The following AP1G1 variants were observed in gnomAD, a reference collection of about 807,000 sequenced individuals.
AP1G1 encodes AP-1 complex subunit gamma-1.
Under a neutral mutation model 108.3 loss-of-function variants are expected in AP1G1, and 7 were observed. The observed-to-expected ratio is 0.06, with a 90% CI of 0.04 to 0.12. The LOEUF is 0.12. AP1G1 is among the 10% of genes least tolerant of loss of function. The pLI is 1.00. For synonymous variants in AP1G1, 379 were observed against 353.5 expected (o/e 1.07, Z -0.81); for missense variants, 756 against 1,010.7 (o/e 0.75, Z 3.42).
intron 21 of AP1G1, among the ~76,000 whole-genome samples, chr16:71,736,118 AT>A (rs1174180710): frequency 0.14 from 7,934 of 55,836 alleles, 1,074 homozygotes; most frequent in African/African-American, 0.22. Context: ...AAAAAAAAAA[AT>A]ATATATATAT....
In AP1G1 at chr16:71,745,250, C is replaced by T. The variant is rs768361255; in HGVS notation, c.1893G>A (p.Leu631=). The change falls in exon 19 of 23, where the codon TTG becomes TTA. Residue 631 remains leucine (L), a synonymous_variant. Coordinates refer to ENST00000299980, the MANE Select transcript of AP1G1 (RefSeq NM_001128.6). The part of the protein sequence containing the change: ...PTSQANDLLD[L]LGGNDITPVI... ...CAGGTGTTATGTCATTTCCTCCCAA[C>T]AAATCCAATAAATCATTGGCCTAAA... 6 of 1,614,098 alleles carry T rather than the reference C, an allele frequency of 3.7e-6. No individual in the cohort carries two copies. Among genetic ancestry groups the T allele is most frequent in the East Asian group, 4.5e-5 (2 of 44,904 alleles).
chr16:71,736,586 A>AT (rs1219695923), intron 21 of AP1G1, among the ~76,000 whole-genome samples: 1 of 126,198 alleles, frequency 7.9e-6, no homozygotes, highest in African/African-American at 3.1e-5. Context: ...TTATTTATTT[A>AT]TTTATTTATT....
chr16:71,759,337 T>C (rs1276728810), intron 10 of AP1G1, among the ~76,000 whole-genome samples: 2 of 152,130 alleles, frequency 1.3e-5, no homozygotes, highest in Non-Finnish European at 2.9e-5. Flanking sequence ...GTTAGGTGCC[T>C]GTAGTCCCAG....
At chr16:71,800,625 C>T (rs1390154030) in intron 1 of AP1G1, among the ~76,000 whole-genome samples, 1 of 151,022 alleles carries the variant, frequency 6.6e-6, no homozygotes, top group African/African-American at 2.5e-5. Flanking sequence ...CATGGTGAAA[C>T]CCCATCTCTA....
chr16:71,759,766 A>T (rs1482704691), intron 10 of AP1G1, among the ~76,000 whole-genome samples: 4 of 151,596 alleles, frequency 2.6e-5, no homozygotes, highest in East Asian at 1.9e-4. Context: ...TCTCAAAAAA[A>T]AAAAAAATTA....
intron 1 of AP1G1, chr16:71,807,906 G>A (rs1429635873): frequency 1.6e-6 from 2 of 1,283,710 alleles, no homozygotes; most frequent in Non-Finnish European, 2.0e-6. Context: ...AAAAAGCTAA[G>A]TATTCAGCAC....
chr16:71,791,167 C>G (rs1358912988), intron 1 of AP1G1, among the ~76,000 whole-genome samples: 1 of 151,048 alleles, frequency 6.6e-6, no homozygotes, highest in Non-Finnish European at 1.5e-5. Context: ...CTGCAGTGAG[C>G]CAAGATCACA....
chr16:71,750,425 C>CT (rs1162634835), intron 13 of AP1G1, 93 bp from the exon 14 acceptor site: 5 of 1,501,058 alleles, frequency 3.3e-6, no homozygotes, highest in Non-Finnish European at 4.5e-6. Flanking sequence ...TTTTTCCTTT[C>CT]TTTTTTTGAG....
rs2045459814 is a variant in AP1G1, at chr16:71,729,638, T to C, written c.*3420A>G. 1.3e-5 allele frequency: 2 copies of C among 152,552 alleles called. No individual in the cohort carries two copies. The highest frequency in any genetic ancestry group is 4.8e-5 in the African/African-American group (2 of 41,410). 9.4% of individuals were successfully genotyped at this position (152,552 alleles called of 1,614,324 possible). A position where few individuals can be genotyped will look rare whatever the true frequency, so the allele number is the denominator to read the frequency against. On this transcript the variant is annotated 3_prime_UTR_variant, in exon 23 of 23. Coordinates refer to ENST00000299980, the MANE Select transcript of AP1G1 (RefSeq NM_001128.6). ...TCCAGTTCTACAAGCAGCCCCACTC[T>C]CCCGAGCCAAAGCTGGTCAAAAGTG...
chr16:71,749,986 G>A lies in AP1G1; in HGVS notation c.1408-3C>T, dbSNP rs1316693712. The A allele has an allele frequency of 4.3e-6, 7 of 1,609,964 alleles. No individual in the cohort carries two copies. Among genetic ancestry groups the A allele is most frequent in the South Asian group, 2.2e-5 (2 of 90,906 alleles). Reference sequence around the variant, plus strand: ...GCAGCCACTTGTACCAAAGGTTGCTGTGAAAAGAAAAGTCAACGTTTCTCA... The same window carrying A: ...GCAGCCACTTGTACCAAAGGTTGCTATGAAAAGAAAAGTCAACGTTTCTCA... On this transcript the variant is annotated splice_polypyrimidine_tract_variant and splice_region_variant and intron_variant, in intron 14 of 22. Transcript: ENST00000299980.
intron 9 of AP1G1, among the ~76,000 whole-genome samples, chr16:71,762,141 T>C (rs1368945793): frequency 6.6e-6 from 1 of 152,224 alleles, no homozygotes; most frequent in African/African-American, 2.4e-5. Context: ...TTGCTAATTA[T>C]ACTATGGCAC....
At chr16:71,793,737 T>G (rs1219230433) in intron 1 of AP1G1, among the ~76,000 whole-genome samples, 2 of 152,280 alleles carry the variant, frequency 1.3e-5, no homozygotes, top group East Asian at 1.9e-4. Flanking sequence ...CAGGCTGGAG[T>G]GCAGTGGTGC....
chr16:71,758,781 G>T, intron 11 of AP1G1, 27 bp downstream of exon 11: 1 of 1,367,512 alleles, frequency 7.3e-7, no homozygotes, highest in Non-Finnish European at 1.0e-6. Flanking sequence ...AAAAACACTA[G>T]ACTGAGAAAG....
At chr16:71,807,708 A>G in intron 1 of AP1G1, 1 of 843,342 alleles carries the variant, frequency 1.2e-6, no homozygotes, top group South Asian at 1.4e-5. Flanking sequence ...TTACTGTACA[A>G]ACACTTCAAA....
chr16:71,741,139 T>G (rs1040958016), intron 19 of AP1G1, among the ~76,000 whole-genome samples: 2 of 152,194 alleles, frequency 1.3e-5, no homozygotes, highest in South Asian at 4.1e-4. Flanking sequence ...AATATTTAAA[T>G]AGATTTCAAA....
intron 2 of AP1G1, among the ~76,000 whole-genome samples, chr16:71,781,920 C>T (rs1367298128): frequency 6.6e-6 from 1 of 152,130 alleles, no homozygotes; most frequent in African/African-American, 2.4e-5. Flanking sequence ...CAAATATGCA[C>T]CACTTAGAGC....
intron 6 of AP1G1, 183 bp from the exon 7 acceptor site, chr16:71,765,767 A>T (rs541966210): frequency 4.5e-5 from 24 of 535,930 alleles, no homozygotes; most frequent in African/African-American, 2.7e-4. Flanking sequence ...AATATTCAAG[A>T]AGTAGTATGT....
At chr16:71,797,017 TA>T (rs1393127746) in intron 1 of AP1G1, among the ~76,000 whole-genome samples, 6 of 60,700 alleles carry the variant, frequency 9.9e-5, no homozygotes, top group Admixed American at 6.5e-4. Context: ...AAAAAAAAAT[TA>T]TATATATATA....
intron 2 of AP1G1, chr16:71,777,630 A>G: frequency 2.2e-6 from 1 of 449,420 alleles, no homozygotes; most frequent in South Asian, 1.6e-5. Flanking sequence ...TCTGTCTTCT[A>G]CTGCTAGGGA....
Sources: allele counts gnomAD v4.1 joint callset (sites outside exome capture counted in the v4.1 genomes callset), GRCh38; gene constraint gnomAD v4.1.1; transcripts MANE v1.5; gene names NCBI Gene and HGNC (gene_info 2026-07-23, HGNC 2026-07-21).